TNN: variants seen among roughly 807,000 people sequenced by gnomAD.
TNN encodes the protein tenascin-N.
A neutral mutation model predicts 134.4 loss-of-function variants in TNN; 122 were observed. That is an observed-to-expected ratio of 0.91 (90% CI 0.78 to 1.06). The LOEUF (loss-of-function observed/expected upper bound fraction) is 1.06. TNN is among the 50% of genes least tolerant of loss of function. The pLI, the probability that TNN is intolerant of heterozygous loss-of-function variation, is 0.00. For synonymous variants in TNN, 710 were observed against 670.3 expected (o/e 1.06, Z -0.91); for missense variants, 1,739 against 1,699.4 (o/e 1.02, Z -0.41).
chr1:175,141,490 G>GA (rs779980331), intron 17 of TNN, among the ~76,000 whole-genome samples: 19 of 148,148 alleles, frequency 1.3e-4, no homozygotes, highest in South Asian at 2.1e-4. Context: ...ACCTGAAAAA[G>GA]AAAAAAAAAA....
In TNN at chr1:175,083,085, T is replaced by C. The variant is rs182091605; in HGVS notation, c.1049-665T>C. Among the ~76,000 whole-genome samples, 126 of 152,232 alleles carry C rather than the reference T, an allele frequency of 8.3e-4. 1 individual carries two copies. The highest frequency in any genetic ancestry group is 2.9e-3 in the African/African-American group (120 of 41,544). On this transcript the variant is annotated intron_variant, in intron 4 of 18. Coordinates refer to ENST00000239462, the MANE Select transcript of TNN (RefSeq NM_022093.2). Reference sequence around the variant, plus strand: ...CTCTTCCTTCACAGGACAGACAGATTGGGCAGCATGAGAATACCAGGTACC... The same window carrying C: ...CTCTTCCTTCACAGGACAGACAGATCGGGCAGCATGAGAATACCAGGTACC...
intron 11 of TNN, 47 bp from the exon 12 acceptor site, chr1:175,123,353 T>G (rs1202016228): frequency 6.3e-7 from 1 of 1,599,268 alleles, no homozygotes. Context: ...AGATGCGATG[T>G]CTTCCTTTGT....
At chr1:175,137,063 T>G in intron 17 of TNN, 75 bp downstream of exon 17, 1 of 1,458,798 alleles carries the variant, frequency 6.9e-7, no homozygotes, top group Non-Finnish European at 9.5e-7. Flanking sequence ...CGTGTGCCAC[T>G]GATCTGGGGG....
At chr1:175,110,917 G>A (rs1675002857) in intron 9 of TNN, among the ~76,000 whole-genome samples, 1 of 152,092 alleles carries the variant, frequency 6.6e-6, no homozygotes, top group South Asian at 2.1e-4. Flanking sequence ...GCTCATGCCT[G>A]TAATCCCAGC....
rs768447678 is a variant in TNN at position 175,123,583 on chromosome 1, C to T, written c.2834C>T (p.Pro945Leu). ...HSSTVLTGLR[P>L]GMEYMVHVWA... ...AGCACTGTCCTGACGGGCCTGAGAC[C>T]AGGCATGGAGTACATGGTGCACGTG... The change falls in exon 12 of 19, where the codon CCA (proline) becomes CTA (leucine). Residue 945 changes from proline (P) to leucine (L), a missense_variant. Physicochemically the swap from Pro to Leu is moderately conservative, Grantham distance 98 (BLOSUM62 -3). Transcript: ENST00000239462. 6.3e-5 allele frequency: 101 copies of T among 1,613,920 alleles called. No individual in the cohort carries two copies. The Middle Eastern group carries it at 1.8e-3, about 29-fold the overall frequency.
At chr1:175,143,481 C>CA (rs1252404199) in intron 17 of TNN, among the ~76,000 whole-genome samples, 1 of 151,292 alleles carries the variant, frequency 6.6e-6, no homozygotes, top group Non-Finnish European at 1.5e-5. Flanking sequence ...CATGTGTCTC[C>CA]AGAAGGGCTC....
intron 4 of TNN, among the ~76,000 whole-genome samples, chr1:175,081,542 C>T (rs550838478): frequency 5.3e-5 from 8 of 151,990 alleles, no homozygotes; most frequent in Non-Finnish European, 1.0e-4. Flanking sequence ...AGCTGCCTGT[C>T]CTTTATGGTG....
At chr1:175,141,959 T>G (rs2101854835) in intron 17 of TNN, among the ~76,000 whole-genome samples, 1 of 152,350 alleles carries the variant, frequency 6.6e-6, no homozygotes. Flanking sequence ...TGCCCAGGTT[T>G]AGATCATCAC....
chr1:175,146,853 A>ATTAT, intron 18 of TNN, 78 bp from the exon 19 acceptor site: 2 of 1,279,308 alleles, frequency 1.6e-6, no homozygotes, highest in African/African-American at 3.0e-5. Context: ...TAATTAATTA[A>ATTAT]TTCCTTTGTA....
rs1023513157 is a variant in TNN at position 175,077,772 on chromosome 1, G to C, written c.354G>C (p.Glu118Asp). Residue 118 changes from glutamate (E) to aspartate (D), a missense_variant, in exon 2 of 19, where the codon GAG becomes GAC. By Grantham distance (45) the Glu-to-Asp change is conservative (BLOSUM62 2). Coordinates refer to ENST00000239462, the MANE Select transcript of TNN (RefSeq NM_022093.2). ...CCCGGGTGAAGAAGCTGGAGGAAGA[G>C]ATGGTGGAGATGAAGGAACAGTGTA... ...LLARVKKLEE[E>D]MVEMKEQCSA... 1.3e-5 allele frequency: 21 copies of C among 1,614,110 alleles called. No homozygotes were observed. The highest frequency in any genetic ancestry group is 1.7e-5 in the Non-Finnish European group (20 of 1,180,056).
At position 175,100,700 on chromosome 1, in the gene TNN, G is replaced by GT. The variant is rs10612090; in HGVS notation, c.2119+2116dup. On this transcript the variant is annotated intron_variant, in intron 9 of 18. Transcript: ENST00000239462. ...AATTATTTAGGACAAAGAAATGCTAGTTTTTTTTTTTGGTGAATGTATTTT... is the reference window on the plus strand; with the variant it reads ...AATTATTTAGGACAAAGAAATGCTAGTTTTTTTTTTTTGGTGAATGTATTTT... Among the ~76,000 whole-genome samples the GT allele has an allele frequency of 5.2e-4, 78 of 150,610 alleles. 1 individual carries two copies. The highest frequency in any genetic ancestry group is 2.0e-3 in the East Asian group (10 of 5,108).
chr1:175,099,926 G>A (rs1288289558), intron 9 of TNN, among the ~76,000 whole-genome samples: 2 of 151,988 alleles, frequency 1.3e-5, no homozygotes, highest in Non-Finnish European at 2.9e-5. Flanking sequence ...CGCCTCTCTG[G>A]TGGGGTTGCC....
chr1:175,087,895 C>T lies in TNN; in HGVS notation c.1324+2401C>T, dbSNP rs142458484. Among the ~76,000 whole-genome samples, 1,408 of 152,254 alleles carry T rather than the reference C, an allele frequency of 9.2e-3. 16 individuals are homozygous for T. The highest frequency in any genetic ancestry group is 0.032 in the African/African-American group (1,318 of 41,534). On this transcript the variant is annotated intron_variant, in intron 6 of 18. Transcript: ENST00000239462. Reference sequence around the variant, plus strand: ...TAATTTGCTAGAGCAGCTCACAGAACGCAGGGAAACACTTTACTTACGTTT... The same window carrying T: ...TAATTTGCTAGAGCAGCTCACAGAATGCAGGGAAACACTTTACTTACGTTT...
At position 175,068,347 on chromosome 1, in the gene TNN, T is replaced by C. The variant is rs185031585; in HGVS notation, c.-36+412T>C. On this transcript the variant is annotated intron_variant, in intron 1 of 18. Transcript: ENST00000239462. ...TCTTTTTTTGGATAATTTAGTATTG[T>C]TGTATTTCATTATTCTTTTAAATCC... 7.2e-5 allele frequency among the ~76,000 whole-genome samples: 11 copies of C among 152,328 alleles called. No individual in the cohort carries two copies. In the East Asian group the frequency reaches 2.1e-3, roughly 29 times the overall value.
intron 6 of TNN, among the ~76,000 whole-genome samples, chr1:175,091,911 A>G (rs949224520): frequency 2.0e-5 from 3 of 152,116 alleles, no homozygotes; most frequent in Non-Finnish European, 2.9e-5. Flanking sequence ...TTCAATACAC[A>G]CAGGCAGCAC....
intron 16 of TNN, 38 bp from the exon 17 acceptor site, chr1:175,136,783 G>A (rs1431664769): frequency 6.9e-6 from 11 of 1,599,750 alleles, no homozygotes; most frequent in Admixed American, 3.4e-5. Context: ...CGCACACATG[G>A]GTTGATTGAT....
intron 9 of TNN, among the ~76,000 whole-genome samples, chr1:175,100,636 G>C (rs752701661): frequency 1.8e-4 from 27 of 152,140 alleles, no homozygotes; most frequent in Non-Finnish European, 1.9e-4. Flanking sequence ...GTAATAGGAC[G>C]TATGAGCAAG....
At chr1:175,122,792 A>G (rs1215279443) in intron 11 of TNN, among the ~76,000 whole-genome samples, 1 of 152,136 alleles carries the variant, frequency 6.6e-6, no homozygotes, top group Non-Finnish European at 1.5e-5. Context: ...GATACGGGAG[A>G]GGATGGGGGA....
At chr1:175,102,725 T>C (rs112349540) in intron 9 of TNN, among the ~76,000 whole-genome samples, 4,137 of 145,948 alleles carry the variant, frequency 0.028, 396 homozygotes, top group African/African-American at 0.095. Flanking sequence ...GCTCCAGCCT[T>C]GGCCAGCCCA....
Sources: allele counts gnomAD v4.1 joint callset (sites outside exome capture counted in the v4.1 genomes callset), GRCh38; gene constraint gnomAD v4.1.1; transcripts MANE v1.5; gene names NCBI Gene and HGNC (gene_info 2026-07-23, HGNC 2026-07-21).